CD36: variants seen among roughly 807,000 people sequenced by gnomAD.
CD36 encodes the protein platelet glycoprotein 4.
Under a neutral mutation model 55.2 loss-of-function variants are expected in CD36, and 119 were observed. The observed-to-expected ratio is 2.15, with a 90% CI of 1.86 to 2.51. The LOEUF (loss-of-function observed/expected upper bound fraction) is 2.51, where lower values mean the gene tolerates loss of function less well. Ranked by LOEUF, CD36 falls within the 30% of genes most tolerant of loss-of-function variation. The probability of loss-of-function intolerance (pLI) is 0.00; values close to 1 mark genes in which losing one functional copy is unlikely to be tolerated. For missense variants in CD36, 819 were observed against 555.5 expected, an observed-to-expected ratio of 1.47 and a Z score of -4.77; for synonymous variants, 186 against 193.6, an observed-to-expected ratio of 0.96 and a Z score of 0.33.
Position 80,646,905 on chromosome 7 carries a change from T to G in CD36, c.120+45T>G, listed in dbSNP as rs757827238. On this transcript the variant is annotated intron_variant, in intron 3 of 14. Coordinates refer to ENST00000447544, the MANE Select transcript of CD36 (RefSeq NM_001001548.3). ...TATGCCTTCTCATTTTGATTGATTC[T>G]AACTTCTCTTTTTTTGCTTTGTATT... is the stretch of plus-strand genomic sequence containing the variant. 14 of 1,608,006 alleles carry G rather than the reference T, an allele frequency of 8.7e-6. No homozygotes were observed. In the East Asian group the frequency reaches 2.9e-4, roughly 33 times the overall value.
chr7:80,646,388 A>G, intron 2 of CD36: 1 of 316,928 alleles, frequency 3.2e-6, no homozygotes, highest in South Asian at 2.8e-5. Flanking sequence ...TAAGATTTCA[A>G]TATGTTAATC....
chr7:80,671,078 C>T lies in CD36; in HGVS notation c.920C>T (p.Pro307Leu), dbSNP rs1797626197. Residue 307 changes from proline to leucine, a missense_variant, in exon 10 of 15, where the codon CCA (proline) becomes CTA (leucine). Pro to Leu is a moderately conservative substitution (Grantham distance 98, BLOSUM62 -3). Coordinates refer to ENST00000447544, the MANE Select transcript of CD36 (RefSeq NM_001001548.3). ...SKAFASPVEN[P>L]DNYCFCTEKI... is the part of the protein sequence containing the mutation. ...GCCTTTGCCTCTCCAGTTGAAAACCCAGACAACTATTGTTTCTGCACAGAA... is the reference window on the plus strand; with the variant it reads ...GCCTTTGCCTCTCCAGTTGAAAACCTAGACAACTATTGTTTCTGCACAGAA... The T allele has an allele frequency of 6.2e-7, 1 of 1,612,534 alleles. No homozygotes were observed. Among genetic ancestry groups the T allele is most frequent in the African/African-American group, 1.3e-5 (1 of 74,834 alleles).
In CD36 at chr7:80,663,145, T is replaced by G. The variant is rs530761892; in HGVS notation, c.585T>G (p.Thr195=). ...PFLSLVPYPV[T]TTVGLFYPYN... is the part of the protein sequence containing the mutation. ...TGAGTTTGGTTCCGTACCCTGTTAC[T>G]ACCACAGTTGGTCTGTTTTATCCTG... Residue 195 remains threonine (T), a synonymous_variant, in exon 6 of 15, where the codon ACT becomes ACG. Transcript: ENST00000447544. 68 of 1,613,628 alleles carry G rather than the reference T, an allele frequency of 4.2e-5. No individual in the cohort carries two copies. In the South Asian group the frequency reaches 6.4e-4, roughly 15 times the overall value.
At chr7:80,670,736 T>C (rs1797578330) in intron 9 of CD36, 2 of 512,558 alleles carry the variant, frequency 3.9e-6, no homozygotes, top group Non-Finnish European at 7.0e-6. Context: ...ATTGGATAAA[T>C]TGCCTGTGAG....
At chr7:80,660,962 A>G in intron 4 of CD36, 101 bp from the exon 5 acceptor site, 1 of 889,602 alleles carries the variant, frequency 1.1e-6, no homozygotes, top group Non-Finnish European at 1.9e-6. Context: ...TATCTGGCAT[A>G]TTCTGTGTGT....
At chr7:80,627,170 G>A (rs961400770) in intron 1 of CD36, among the ~76,000 whole-genome samples, 12 of 151,914 alleles carry the variant, frequency 7.9e-5, no homozygotes, top group Non-Finnish European at 1.5e-4. Flanking sequence ...GTTTTTACAG[G>A]ACAATGCTAC....
rs185558834 is a variant in CD36, at chr7:80,676,836, C to T, written c.*453C>T. 33 of 151,500 alleles carry T rather than the reference C, an allele frequency of 2.2e-4. No individual in the cohort carries two copies. The highest frequency in any genetic ancestry group is 6.8e-4 in the African/African-American group (28 of 41,294). 9.4% of individuals were successfully genotyped at this position (151,500 alleles called of 1,614,324 possible). A position where few individuals can be genotyped will look rare whatever the true frequency, so the allele number is the denominator to read the frequency against. ...TTTTTTTTTACTCAGTTGCAACTTA[C>T]GCTTGGCATCTTCAGAATGCTTTTC... is the stretch of plus-strand genomic sequence containing the variant. On this transcript the variant is annotated 3_prime_UTR_variant, in exon 15 of 15. Transcript: ENST00000447544.
intron 12 of CD36, chr7:80,673,093 T>C (rs1363381972): frequency 9.5e-6 from 5 of 525,870 alleles, no homozygotes; most frequent in Non-Finnish European, 1.7e-5. Flanking sequence ...TCTATGACAA[T>C]AATTAATTTT....
At chr7:80,629,706 T>C (rs753422281) in intron 1 of CD36, among the ~76,000 whole-genome samples, 4 of 152,078 alleles carry the variant, frequency 2.6e-5, no homozygotes, top group Non-Finnish European at 5.9e-5. Context: ...TTAGAGGTTA[T>C]AATTCAGTTA....
At position 80,671,085 on chromosome 7, in the gene CD36, CT is replaced by C. The variant is rs1562821869; in HGVS notation, c.928del (p.Tyr310IlefsTer19). On this transcript the variant is annotated frameshift_variant, in exon 10 of 15. Transcript: ENST00000447544. LOFTEE classifies it high-confidence loss of function. ...CCTCTCCAGTTGAAAACCCAGACAA[CT>C]ATTGTTTCTGCACAGAAAAAATTAT... The part of the protein sequence containing the change: ...FASPVENPDN[Y>X]CFCTEKIISK... The C allele has an allele frequency of 1.2e-6, 2 of 1,612,566 alleles. No homozygotes were observed.
chr7:80,619,434 G>T (rs775298677), intron 1 of CD36, among the ~76,000 whole-genome samples: 2 of 152,082 alleles, frequency 1.3e-5, no homozygotes, highest in African/African-American at 2.4e-5. Context: ...GTCACTTAAG[G>T]TCAGGAGTTT....
intron 2 of CD36, 138 bp from the exon 3 acceptor site, chr7:80,646,514 C>T (rs1562791304): frequency 3.7e-6 from 2 of 544,192 alleles, no homozygotes; most frequent in Non-Finnish European, 6.5e-6. Context: ...GAGGAAGCCA[C>T]TTTGGTGAAA....
chr7:80,670,930 T>TGTAA (rs1283893366), intron 9 of CD36, 47 bp from the exon 10 acceptor site: 2 of 1,263,204 alleles, frequency 1.6e-6, no homozygotes, highest in East Asian at 2.3e-5. Context: ...ATCTCCAGAA[T>TGTAA]GTAAGTTCAG....
At chr7:80,655,644 T>C (rs1241141677) in intron 3 of CD36, among the ~76,000 whole-genome samples, 6 of 151,958 alleles carry the variant, frequency 3.9e-5, no homozygotes, top group Non-Finnish European at 8.8e-5. Flanking sequence ...TGATAATGGG[T>C]TGTTGCAAAT....
chr7:80,657,955 A>G (rs1349946642), intron 4 of CD36, among the ~76,000 whole-genome samples: 1 of 152,186 alleles, frequency 6.6e-6, no homozygotes, highest in African/African-American at 2.4e-5. Flanking sequence ...AAGCATTACT[A>G]TGCTTCCAGA....
chr7:80,674,440 A>G (rs1268748899), intron 14 of CD36: 4 of 352,076 alleles, frequency 1.1e-5, no homozygotes, highest in East Asian at 6.6e-5. Context: ...TCATTTCTCA[A>G]TTATATAGCT....
At chr7:80,669,827 G>C (rs868158531) in intron 8 of CD36, 126 bp from the exon 9 acceptor site, 2 of 760,020 alleles carry the variant, frequency 2.6e-6, no homozygotes, top group Middle Eastern at 4.7e-4. Context: ...TAAAAATGTG[G>C]CTGCTAGATA....
intron 7 of CD36, among the ~76,000 whole-genome samples, chr7:80,665,491 C>CAGTT (rs763642787): frequency 3.1e-5 from 4 of 129,762 alleles, no homozygotes; most frequent in East Asian, 1.9e-4. Context: ...AAAGAGTCCA[C>CAGTT]AGTTACATAT....
In CD36 at chr7:80,666,548, A is replaced by G. The variant is rs3211919; in HGVS notation, c.748+59A>G. On this transcript the variant is annotated intron_variant, in intron 8 of 14. Transcript: ENST00000447544. ...ATCCACCTCCCTTTCCCACAAATCC[A>G]CCGTTGTACTGACAGTGTTCTGAAA... 2,200 of 1,242,816 alleles carry G rather than the reference A, an allele frequency of 1.8e-3. 34 individuals carry two copies. In the African/African-American group the frequency reaches 0.028, roughly 16 times the overall value. The allele number at this position is 1,242,816 out of a possible 1,614,324, so 77.0% of individuals were successfully genotyped here. A position where few individuals can be genotyped will look rare whatever the true frequency, so the allele number is the denominator to read the frequency against.
Sources: allele counts gnomAD v4.1 joint callset (sites outside exome capture counted in the v4.1 genomes callset), GRCh38; gene constraint gnomAD v4.1.1; transcripts MANE v1.5; gene names NCBI Gene and HGNC (gene_info 2026-07-23, HGNC 2026-07-21).